The following PLA2G4A variants were observed in gnomAD, a reference collection of about 807,000 sequenced individuals.
The protein encoded by PLA2G4A is cytosolic phospholipase A2.
In PLA2G4A, 40 loss-of-function variants were observed where a neutral mutation model predicts 81.9. The ratio of observed to expected loss-of-function variants is 0.49; its 90% CI spans 0.38 to 0.64. The LOEUF (loss-of-function observed/expected upper bound fraction) is 0.64, where lower values mean the gene tolerates loss of function less well. Ranked by LOEUF, PLA2G4A falls within the 30% of genes least tolerant of loss-of-function variation. The probability of loss-of-function intolerance (pLI) is 0.00; values close to 1 mark genes in which losing one functional copy is unlikely to be tolerated. For missense variants in PLA2G4A, 715 were observed against 905.1 expected (o/e 0.79, Z 2.69); for synonymous variants, 302 against 296.9 (o/e 1.02, Z -0.18).
chr1:186,860,132 A>C (rs1006746686), intron 2 of PLA2G4A, among the ~76,000 whole-genome samples: 3 of 152,140 alleles, frequency 2.0e-5, no homozygotes, highest in African/African-American at 7.2e-5. Flanking sequence ...TCTCTAGAGG[A>C]TCAGGACCAA....
At chr1:186,944,397 G>A (rs561214430) in intron 10 of PLA2G4A, among the ~76,000 whole-genome samples, 4 of 152,194 alleles carry the variant, frequency 2.6e-5, no homozygotes, top group South Asian at 2.1e-4. Context: ...AGAAGAGATC[G>A]CTAGAAAAGC....
intron 15 of PLA2G4A, among the ~76,000 whole-genome samples, chr1:186,971,646 C>T (rs1487563388): frequency 6.6e-6 from 1 of 151,836 alleles, no homozygotes; most frequent in African/African-American, 2.4e-5. Context: ...TTAAAAGTAC[C>T]TTAAACCTAT....
At chr1:186,910,317 A>G (rs1654895921) in intron 6 of PLA2G4A, among the ~76,000 whole-genome samples, 1 of 152,160 alleles carries the variant, frequency 6.6e-6, no homozygotes. Context: ...CAAATATTTT[A>G]TTGGTGATAA....
intron 8 of PLA2G4A, among the ~76,000 whole-genome samples, chr1:186,937,541 T>C (rs922171493): frequency 6.6e-5 from 10 of 151,824 alleles, no homozygotes; most frequent in Admixed American, 1.3e-4. Flanking sequence ...ATTCAATTTG[T>C]TGTACAAAAA....
At chr1:186,866,644 T>C (rs1223224004) in intron 2 of PLA2G4A, among the ~76,000 whole-genome samples, 2 of 152,140 alleles carry the variant, frequency 1.3e-5, no homozygotes, top group Non-Finnish European at 2.9e-5. Flanking sequence ...AAAAATCAAA[T>C]ATTAAATAAT....
chr1:186,866,695 G>A (rs1653045049), intron 2 of PLA2G4A, among the ~76,000 whole-genome samples: 1 of 152,050 alleles, frequency 6.6e-6, no homozygotes, highest in Non-Finnish European at 1.5e-5. Context: ...ATACAAGGAA[G>A]GTTCCTAGGT....
chr1:186,907,468 A>G (rs1412843280), intron 6 of PLA2G4A, among the ~76,000 whole-genome samples: 2 of 152,238 alleles, frequency 1.3e-5, no homozygotes, highest in Admixed American at 6.5e-5. Context: ...ATAATGTTCC[A>G]TGAAGCATAC....
intron 5 of PLA2G4A, among the ~76,000 whole-genome samples, chr1:186,900,347 C>T (rs1334529086): frequency 6.6e-6 from 1 of 152,176 alleles, no homozygotes. Context: ...TATTAAGATA[C>T]TTCCTGGCCC....
chr1:186,845,290 A>G (rs1652132297), intron 1 of PLA2G4A, among the ~76,000 whole-genome samples: 2 of 152,156 alleles, frequency 1.3e-5, no homozygotes, highest in African/African-American at 2.4e-5. Flanking sequence ...TTTGAGGGGG[A>G]TCATCACCAG....
intron 15 of PLA2G4A, among the ~76,000 whole-genome samples, chr1:186,972,828 A>C (rs1284292989): frequency 6.6e-6 from 1 of 152,204 alleles, no homozygotes; most frequent in African/African-American, 2.4e-5. Flanking sequence ...TGATCTGCCT[A>C]CATTTCATTT....
At chr1:186,916,963 G>A (rs1655158613) in intron 7 of PLA2G4A, among the ~76,000 whole-genome samples, 1 of 152,150 alleles carries the variant, frequency 6.6e-6, no homozygotes, top group Admixed American at 6.5e-5. Context: ...TTCTGGGTGT[G>A]ACTGGAGCAG....
chr1:186,847,158 C>T lies in PLA2G4A; in HGVS notation c.-69-7128C>T, dbSNP rs1652206409. Among the ~76,000 whole-genome samples the T allele has an allele frequency of 2.0e-5, 3 of 151,934 alleles. 1 individual carries two copies. In the South Asian group the frequency reaches 6.2e-4, roughly 32 times the overall value. Reference sequence around the variant, plus strand: ...ATATTTATAGACTATTTTATATTAACCTACCTATTTACTGTTACAGTTAAA... The same window carrying T: ...ATATTTATAGACTATTTTATATTAATCTACCTATTTACTGTTACAGTTAAA... On this transcript the variant is annotated intron_variant, in intron 1 of 17. Transcript: ENST00000367466.
At chr1:186,844,786 TA>T (rs555246615) in intron 1 of PLA2G4A, among the ~76,000 whole-genome samples, 67 of 152,140 alleles carry the variant, frequency 4.4e-4, no homozygotes, top group Non-Finnish European at 5.7e-4. Flanking sequence ...TAAAGTATAA[TA>T]AAAAAAATTT....
At chr1:186,865,299 T>C (rs1167889005) in intron 2 of PLA2G4A, among the ~76,000 whole-genome samples, 1 of 151,962 alleles carries the variant, frequency 6.6e-6, no homozygotes, top group African/African-American at 2.4e-5. Context: ...CCAACCCATG[T>C]CTGAGAATTT....
chr1:186,941,982 A>G (rs1281121053), intron 10 of PLA2G4A, among the ~76,000 whole-genome samples: 1 of 152,232 alleles, frequency 6.6e-6, no homozygotes, highest in African/African-American at 2.4e-5. Flanking sequence ...ATAAGTTTCC[A>G]GTACATTTTA....
intron 3 of PLA2G4A, among the ~76,000 whole-genome samples, chr1:186,888,495 A>T: frequency 6.6e-6 from 1 of 152,288 alleles, no homozygotes; most frequent in South Asian, 2.1e-4. Context: ...AAGTCTGAAA[A>T]GGCAATTTCC....
At chr1:186,986,471 GA>G (rs973866241) in intron 17 of PLA2G4A, among the ~76,000 whole-genome samples, 2 of 152,196 alleles carry the variant, frequency 1.3e-5, no homozygotes, top group African/African-American at 4.8e-5. Flanking sequence ...AAGGCAGGGA[GA>G]TTTTTAAAAG....
intron 3 of PLA2G4A, among the ~76,000 whole-genome samples, chr1:186,877,234 T>C (rs1214883982): frequency 6.6e-6 from 1 of 152,074 alleles, no homozygotes; most frequent in Non-Finnish European, 1.5e-5. Flanking sequence ...TTACTTCTCC[T>C]GTCTCTGCCT....
At chr1:186,930,715 A>G (rs947099166) in intron 7 of PLA2G4A, among the ~76,000 whole-genome samples, 4 of 152,226 alleles carry the variant, frequency 2.6e-5, no homozygotes, top group African/African-American at 9.6e-5. Flanking sequence ...ATTTTTGAAT[A>G]AGAACAACCT....
Sources: allele counts gnomAD v4.1 joint callset (sites outside exome capture counted in the v4.1 genomes callset), GRCh38; gene constraint gnomAD v4.1.1; transcripts MANE v1.5; gene names NCBI Gene and HGNC (gene_info 2026-07-23, HGNC 2026-07-21).